GRAMD4: variants seen among roughly 807,000 people sequenced by gnomAD.
GRAMD4 encodes GRAM domain containing 4.
A neutral mutation model predicts 83.9 loss-of-function variants in GRAMD4; 25 were observed. That is an observed-to-expected ratio of 0.30 (90% CI 0.22 to 0.42). The LOEUF is 0.42. Among genes scored for constraint, GRAMD4 ranks in the 10% least tolerant of loss-of-function variants. The pLI is 1.00. For synonymous variants in GRAMD4, 336 were observed against 320.9 expected (o/e 1.05, Z -0.50); for missense variants, 593 against 788.7 (o/e 0.75, Z 2.97).
At chr22:46,587,941 A>C in intron 1 of GRAMD4, 1 of 985,312 alleles carries the variant, frequency 1.0e-6, no homozygotes, top group Admixed American at 6.1e-5. Flanking sequence ...CACTCACATC[A>C]CAGGTTGGCA....
chr22:46,582,571 C>T (rs532831797), intron 1 of GRAMD4, among the ~76,000 whole-genome samples: 142 of 152,266 alleles, frequency 9.3e-4, no homozygotes, highest in Non-Finnish European at 1.8e-3. Flanking sequence ...TCATGTCCAG[C>T]GACCTGGAGC....
intron 14 of GRAMD4, 51 bp downstream of exon 14, chr22:46,673,048 C>A: frequency 8.9e-6 from 13 of 1,456,924 alleles, no homozygotes; most frequent in Non-Finnish European, 1.1e-5. Context: ...GCCACGAAGC[C>A]GGGCATCCCC....
At chr22:46,664,169 C>A in intron 8 of GRAMD4, 52 bp downstream of exon 8, 1 of 1,271,010 alleles carries the variant, frequency 7.9e-7, no homozygotes, top group Non-Finnish European at 1.2e-6. Flanking sequence ...TGCCTGCCAG[C>A]ATTCACCACA....
At chr22:46,633,187 G>A (rs1026580583) in intron 2 of GRAMD4, among the ~76,000 whole-genome samples, 4 of 152,152 alleles carry the variant, frequency 2.6e-5, no homozygotes, top group South Asian at 2.1e-4. Flanking sequence ...CAGGCTCCTC[G>A]GAAGCCAGGG....
chr22:46,648,299 T>C (rs1437845771), intron 3 of GRAMD4, among the ~76,000 whole-genome samples: 1 of 151,312 alleles, frequency 6.6e-6, no homozygotes, highest in African/African-American at 2.4e-5. Flanking sequence ...GATGGATGGG[T>C]TGATGAACAG....
At chr22:46,658,400 C>T (rs2082277320) in intron 4 of GRAMD4, 93 bp downstream of exon 4, 3 of 1,246,636 alleles carry the variant, frequency 2.4e-6, no homozygotes, top group South Asian at 2.8e-5. Flanking sequence ...CCCATAGCGT[C>T]TTGGCAGCAT....
intron 4 of GRAMD4, among the ~76,000 whole-genome samples, chr22:46,660,175 G>C (rs187578670): frequency 6.6e-6 from 1 of 152,312 alleles, no homozygotes; most frequent in African/African-American, 2.4e-5. Context: ...TAAGAACGCA[G>C]GGAGCCCCAT....
Position 46,621,949 on chromosome 22 carries a change from G to C in GRAMD4, c.-50+1384G>C, listed in dbSNP as rs997483816. Among the ~76,000 whole-genome samples, 1 of 152,208 alleles carries C rather than the reference G, an allele frequency of 6.6e-6. No individual in the cohort carries two copies. The highest frequency in any genetic ancestry group is 1.5e-5 in the Non-Finnish European group (1 of 68,036). ...GTGGAGTCAGTGGGGCTGAGAGCAGGGTCGTCTAGGACCCTGATGTGTGGA... is the reference window on the plus strand; with the variant it reads ...GTGGAGTCAGTGGGGCTGAGAGCAGCGTCGTCTAGGACCCTGATGTGTGGA... On this transcript the variant is annotated intron_variant, in intron 1 of 18. Transcript: ENST00000406902. The surrounding 1 kb of genome is among the most constrained non-coding windows in gnomAD (Gnocchi z 5.8).
intron 1 of GRAMD4, among the ~76,000 whole-genome samples, chr22:46,583,880 T>C (rs2081121678): frequency 6.6e-6 from 1 of 152,258 alleles, no homozygotes. Flanking sequence ...GCGGCCACAC[T>C]TAAGGGCTGG....
intron 1 of GRAMD4, among the ~76,000 whole-genome samples, chr22:46,611,550 A>G (rs2147092402): frequency 6.6e-6 from 1 of 152,282 alleles, no homozygotes; most frequent in South Asian, 2.1e-4. Flanking sequence ...TGATTGGGGT[A>G]GGGGAGATGA....
chr22:46,601,606 G>A (rs181255846), intron 1 of GRAMD4, among the ~76,000 whole-genome samples: 1 of 152,032 alleles, frequency 6.6e-6, no homozygotes, highest in Non-Finnish European at 1.5e-5. Flanking sequence ...AGACCAGTCT[G>A]GCAACACGGT....
At chr22:46,598,912 A>C (rs2081286457) in intron 1 of GRAMD4, among the ~76,000 whole-genome samples, 1 of 152,224 alleles carries the variant, frequency 6.6e-6, no homozygotes, top group South Asian at 2.1e-4. Context: ...AGGGTAACAC[A>C]GGAGACAGGA....
intron 3 of GRAMD4, among the ~76,000 whole-genome samples, chr22:46,652,626 C>T (rs1601639586): frequency 1.3e-5 from 2 of 152,334 alleles, no homozygotes; most frequent in African/African-American, 4.8e-5. Context: ...GTGGGTGGGG[C>T]AGCCCGGCGT....
intron 1 of GRAMD4, among the ~76,000 whole-genome samples, chr22:46,579,292 G>A (rs967890331): frequency 3.3e-5 from 5 of 152,166 alleles, no homozygotes; most frequent in Non-Finnish European, 5.9e-5. Context: ...GCCCGGCGCC[G>A]GCGTTAGGTG....
chr22:46,635,949 C>T (rs946256254), intron 2 of GRAMD4, among the ~76,000 whole-genome samples: 12 of 152,216 alleles, frequency 7.9e-5, no homozygotes, highest in South Asian at 2.1e-4. Context: ...TGCAGTGTGC[C>T]TCCTCCTGGC....
At chr22:46,656,452 G>C (rs2082246445) in intron 3 of GRAMD4, among the ~76,000 whole-genome samples, 2 of 152,224 alleles carry the variant, frequency 1.3e-5, no homozygotes, top group Admixed American at 6.5e-5. Flanking sequence ...GCCCCCTGCT[G>C]TTTCTGTACG....
intron 2 of GRAMD4, among the ~76,000 whole-genome samples, chr22:46,631,489 T>A (rs1002690415): frequency 7.6e-5 from 6 of 78,432 alleles, no homozygotes; most frequent in Admixed American, 1.3e-4. Context: ...TCCTTTCGTC[T>A]CCTGGGGACC....
At position 46,678,188 on chromosome 22, in the gene GRAMD4, G is replaced by C. The variant is rs2082626759; in HGVS notation, c.*937G>C. The C allele has an allele frequency of 2.0e-6, 2 of 985,394 alleles. No individual in the cohort carries two copies. Among genetic ancestry groups the C allele is most frequent in the Non-Finnish European group, 2.4e-6 (2 of 829,848 alleles). The allele number at this position is 985,394 out of a possible 1,614,324, so 61.0% of individuals were successfully genotyped here. ...AGGCTGCGGTTGCCTGGGTTGGTTGGGGGAGGAAGTGGGGAGGAGTGTTCC... is the reference window on the plus strand; with the variant it reads ...AGGCTGCGGTTGCCTGGGTTGGTTGCGGGAGGAAGTGGGGAGGAGTGTTCC... On this transcript the variant is annotated 3_prime_UTR_variant, in exon 19 of 19. Transcript: ENST00000406902.
chr22:46,617,559 G>C (rs2081521265), upstream of GRAMD4, among the ~76,000 whole-genome samples: 1 of 152,070 alleles, frequency 6.6e-6, no homozygotes, highest in Non-Finnish European at 1.5e-5. Flanking sequence ...CTCTGTGTTG[G>C]GTCCTTAAAC....
Sources: gnomAD v4.1 joint callset for allele counts (sites outside exome capture counted in the v4.1 genomes callset) on GRCh38, gnomAD v4.1.1 for gene constraint, Gnocchi (gnomAD v3.1) non-coding constraint, MANE v1.5 for transcripts, NCBI Gene and HGNC (gene_info 2026-07-23, HGNC 2026-07-21) for gene names.